The following PRH1 variants were observed in gnomAD, a reference collection of about 807,000 sequenced individuals.
The protein encoded by PRH1 is proline rich protein HaeIII subfamily 1.
A neutral mutation model predicts 7.9 loss-of-function variants in PRH1; 7 were observed. The observed-to-expected ratio is 0.89, with a 90% CI of 0.50 to 1.67. The LOEUF is 1.67. Ranked by LOEUF, PRH1 falls within the 40% of genes most tolerant of loss-of-function variation. PRH1 has a pLI of 0.00. For missense variants in PRH1, 109 were observed against 223.6 expected, an observed-to-expected ratio of 0.49 and a Z score of 3.27; for synonymous variants, 45 against 80.8, an observed-to-expected ratio of 0.56 and a Z score of 2.38.
At chr12:10,978,556 A>C (rs1939211979) in intron 1 of PRH1, among the ~76,000 whole-genome samples, 1 of 152,222 alleles carries the variant, frequency 6.6e-6, no homozygotes, top group Non-Finnish European at 1.5e-5. Flanking sequence ...AATTGCAACA[A>C]AAACAGAAAT....
At chr12:10,992,986 G>T (rs1254077369) in intron 1 of PRH1, among the ~76,000 whole-genome samples, 1 of 152,146 alleles carries the variant, frequency 6.6e-6, no homozygotes, top group East Asian at 1.9e-4. Flanking sequence ...AATAGAATTG[G>T]TCACCGACAT....
upstream of PRH1, chr12:11,048,918 G>T: frequency 3.6e-6 from 1 of 275,436 alleles, no homozygotes. Context: ...TAAGGTTGGA[G>T]AAATTGGCAG....
chr12:11,028,872 C>T (rs1054851482), intron 1 of PRH1, among the ~76,000 whole-genome samples: 2 of 151,718 alleles, frequency 1.3e-5, no homozygotes, highest in African/African-American at 4.8e-5. Flanking sequence ...TTGGATAAGC[C>T]TGTAATCTTA....
At chr12:11,070,970 A>G (rs1944039454) in intron 1 of PRH1, among the ~76,000 whole-genome samples, 1 of 121,656 alleles carries the variant, frequency 8.2e-6, no homozygotes, top group Non-Finnish European at 1.9e-5. Context: ...TAAGAAAAAG[A>G]GAATGAATTA....
chr12:10,887,728 A>G (rs1479196038), upstream of PRH1, among the ~76,000 whole-genome samples: 2 of 152,058 alleles, frequency 1.3e-5, no homozygotes, highest in Admixed American at 1.3e-4. Context: ...AAAAAAAATT[A>G]TATCTAAAGA....
intron 1 of PRH1, among the ~76,000 whole-genome samples, chr12:10,987,538 CAGAA>C (rs1719535325): frequency 6.6e-6 from 1 of 151,046 alleles, no homozygotes; most frequent in South Asian, 2.1e-4. Context: ...GATACAAACA[CAGAA>C]AGAGAGAGAG....
chr12:10,967,393 C>G (rs571117968), intron 2 of PRH1, among the ~76,000 whole-genome samples: 5 of 152,208 alleles, frequency 3.3e-5, no homozygotes, highest in African/African-American at 1.2e-4. Flanking sequence ...ATGGTAAACA[C>G]AGCAATGTAT....
chr12:11,116,832 G>A (rs906907975), downstream of PRH1, among the ~76,000 whole-genome samples: 3 of 151,898 alleles, frequency 2.0e-5, no homozygotes, highest in Non-Finnish European at 4.4e-5. Context: ...CCATATAAAC[G>A]TTTTAATTAA....
At chr12:10,951,141 C>G (rs996221734) in intron 2 of PRH1, among the ~76,000 whole-genome samples, 1 of 152,150 alleles carries the variant, frequency 6.6e-6, no homozygotes, top group African/African-American at 2.4e-5. Flanking sequence ...TAAACAACGT[C>G]TCTTCTTGCT....
rs536307915 is a variant in PRH1 at position 11,088,748 on chromosome 12, A to G, written n.124-41560T>C. 2.7e-3 allele frequency among the ~76,000 whole-genome samples: 247 copies of G among 92,288 alleles called. 14 individuals carry two copies. Among genetic ancestry groups the G allele is most frequent in the Non-Finnish European group, 3.6e-3 (136 of 37,874 alleles). The allele number at this position is 92,288 out of a possible 152,430, so 60.5% of individuals were successfully genotyped here. On this transcript the variant is annotated intron_variant and non_coding_transcript_variant, in intron 1 of 4. Coordinates refer to the PRH1 transcript ENST00000541977. ...AAAGTGGGCTCTACAGAAGATATGG[A>G]CTCTGCTCCAAGCTGCTCTGGCCAC... is the stretch of plus-strand genomic sequence containing the variant.
chr12:11,084,198 C>A lies in PRH1; in HGVS notation n.124-37010G>T, dbSNP rs956812986. Among the ~76,000 whole-genome samples, 48 of 27,974 alleles carry A rather than the reference C, an allele frequency of 1.7e-3. 5 individuals are homozygous for A. Among genetic ancestry groups the A allele is most frequent in the African/African-American group, 2.8e-3 (44 of 15,766 alleles). 18.4% of individuals were successfully genotyped at this position (27,974 alleles called of 152,430 possible). On this transcript the variant is annotated intron_variant and non_coding_transcript_variant, in intron 1 of 4. Transcript: ENST00000541977. ...GTTCCGTGGGCTCTTGGGATTGTAA[C>A]GGGCACAAGCAGCACCCTTCTGCAC...
At chr12:10,973,681 A>AT (rs1361205146) in exon 2 of PRH1, 1 of 780,180 alleles carries the variant, frequency 1.3e-6, no homozygotes, top group Non-Finnish European at 2.4e-6. Flanking sequence ...TCTTGAGTAG[A>AT]TACAGCAGGT....
At chr12:11,131,803 G>A (rs1160854974) in intron 1 of PRH1, among the ~76,000 whole-genome samples, 1 of 152,204 alleles carries the variant, frequency 6.6e-6, no homozygotes, top group Non-Finnish European at 1.5e-5. Context: ...GACCAGAACA[G>A]GGGAACTCAT....
intron 1 of PRH1, among the ~76,000 whole-genome samples, chr12:11,045,437 T>C (rs532072565): frequency 2.0e-5 from 3 of 152,236 alleles, no homozygotes; most frequent in Admixed American, 6.5e-5. Flanking sequence ...TATAACTGAA[T>C]TGTTTGTAAC....
intron 1 of PRH1, among the ~76,000 whole-genome samples, chr12:10,987,311 A>G (rs1939699719): frequency 6.6e-6 from 1 of 152,134 alleles, no homozygotes; most frequent in Admixed American, 6.5e-5. Flanking sequence ...TCATACAGTA[A>G]ATGTCTAAGT....
chr12:11,093,541 T>A (rs1484238282), intron 1 of PRH1, among the ~76,000 whole-genome samples: 1 of 115,824 alleles, frequency 8.6e-6, no homozygotes, highest in Non-Finnish European at 2.0e-5. Flanking sequence ...TTATCAAACA[T>A]ATCTCTAATT....
At chr12:10,998,504 T>C (rs1187823436) in intron 1 of PRH1, among the ~76,000 whole-genome samples, 1 of 152,128 alleles carries the variant, frequency 6.6e-6, no homozygotes, top group Admixed American at 6.6e-5. Flanking sequence ...TACTTCTATA[T>C]GGCATCACTA....
chr12:11,112,866 G>A (rs1228611649), intron 1 of PRH1, among the ~76,000 whole-genome samples: 13 of 152,178 alleles, frequency 8.5e-5, no homozygotes, highest in Admixed American at 8.5e-4. Context: ...AACTGTCTCT[G>A]TTTGCAGATG....
Position 10,973,017 on chromosome 12 carries a change from G to A in PRH1, c.-59+638C>T, listed in dbSNP as rs1048845359. Among the ~76,000 whole-genome samples, 13 of 139,734 alleles carry A rather than the reference G, an allele frequency of 9.3e-5. No homozygotes were observed. The Middle Eastern group carries it at 0.011, about 122-fold the overall frequency. 91.7% of individuals were successfully genotyped at this position (139,734 alleles called of 152,430 possible). ...TTCAAAATGAAGAATAAATTTCAGGGAGGTCATGTAGGTTGAAAAGTCCTT... is the reference window on the plus strand; with the variant it reads ...TTCAAAATGAAGAATAAATTTCAGGAAGGTCATGTAGGTTGAAAAGTCCTT... On this transcript the variant is annotated intron_variant, in intron 2 of 3. Coordinates refer to the PRH1 transcript ENST00000539853.
Sources: allele counts gnomAD v4.1 joint callset (sites outside exome capture counted in the v4.1 genomes callset), GRCh38; gene constraint gnomAD v4.1.1; transcripts MANE v1.5; gene names NCBI Gene and HGNC (gene_info 2026-07-23, HGNC 2026-07-21).